CSMD1: variants seen among roughly 807,000 people sequenced by gnomAD.
The protein encoded by CSMD1 is CUB and Sushi multiple domains 1, also known as CUB and sushi domain-containing protein 1.
In CSMD1, 213 loss-of-function variants were observed where a neutral mutation model predicts 417.5. That is an observed-to-expected ratio of 0.51 (90% CI 0.46 to 0.57). The LOEUF (loss-of-function observed/expected upper bound fraction) is 0.57. Among genes scored for constraint, CSMD1 ranks in the 20% least tolerant of loss-of-function variants. CSMD1 has a pLI of 0.00. For synonymous variants in CSMD1, 2,862 were observed against 1,736.8 expected (o/e 1.65, Z -16.11); for missense variants, 6,923 against 4,529.7 (o/e 1.53, Z -15.17).
intron 5 of CSMD1, among the ~76,000 whole-genome samples, chr8:3,930,411 C>G (rs1416006115): frequency 6.6e-6 from 1 of 150,666 alleles, no homozygotes; most frequent in Non-Finnish European, 1.5e-5. Flanking sequence ...TATACTGGTC[C>G]AAGCAAGCAT....
At chr8:4,585,098 GAAA>G (rs148008422) in intron 2 of CSMD1, among the ~76,000 whole-genome samples, 18 of 138,998 alleles carry the variant, frequency 1.3e-4, no homozygotes, top group East Asian at 4.2e-4. Flanking sequence ...CAAAAACTGA[GAAA>G]AAAAAAAAAA....
chr8:4,905,017 G>T (rs768457232), intron 1 of CSMD1, among the ~76,000 whole-genome samples: 8 of 152,188 alleles, frequency 5.3e-5, no homozygotes, highest in Admixed American at 5.2e-4. Context: ...AAGGTAGTGT[G>T]ACAGTAGAAA....
intron 1 of CSMD1, among the ~76,000 whole-genome samples, chr8:4,862,429 G>C (rs1802191766): frequency 6.6e-6 from 1 of 152,110 alleles, no homozygotes; most frequent in Admixed American, 6.5e-5. Flanking sequence ...GATGAACTCT[G>C]TGTTGGGTAG....
At chr8:3,276,400 A>C (rs147694468) in intron 26 of CSMD1, among the ~76,000 whole-genome samples, 17 of 152,290 alleles carry the variant, frequency 1.1e-4, no homozygotes, top group African/African-American at 3.6e-4. Context: ...AGCTGTTCCT[A>C]TTCGTTCATC....
At chr8:3,923,013 G>A (rs1035478660) in intron 5 of CSMD1, among the ~76,000 whole-genome samples, 2 of 152,126 alleles carry the variant, frequency 1.3e-5, no homozygotes, top group South Asian at 2.1e-4. Flanking sequence ...ATTCTTATAT[G>A]TTAGTTATTG....
intron 3 of CSMD1, among the ~76,000 whole-genome samples, chr8:4,119,127 C>T (rs1178390325): frequency 3.3e-5 from 5 of 152,152 alleles, no homozygotes; most frequent in South Asian, 4.2e-4. Context: ...CATTAGGGAA[C>T]GTACCTAATG....
chr8:3,285,297 A>T (rs1803060384), intron 25 of CSMD1, among the ~76,000 whole-genome samples: 1 of 152,198 alleles, frequency 6.6e-6, no homozygotes, highest in Non-Finnish European at 1.5e-5. Flanking sequence ...GTGTATTTTT[A>T]AAATAATCAA....
chr8:4,889,593 A>T (rs1200356700), intron 1 of CSMD1, among the ~76,000 whole-genome samples: 1 of 152,144 alleles, frequency 6.6e-6, no homozygotes. Context: ...TGTCAAAAAA[A>T]TAGAAAAAAA....
At chr8:4,605,253 G>A (rs985664669) in intron 2 of CSMD1, among the ~76,000 whole-genome samples, 4 of 151,944 alleles carry the variant, frequency 2.6e-5, no homozygotes, top group South Asian at 2.1e-4. Flanking sequence ...ACGTTAGACC[G>A]ATGAAGTTTA....
chr8:4,396,546 T>C (rs1002866877), intron 3 of CSMD1, among the ~76,000 whole-genome samples: 12 of 152,048 alleles, frequency 7.9e-5, no homozygotes, highest in Admixed American at 3.3e-4. Flanking sequence ...GTTAAGTTTA[T>C]AGCAGCAAAA....
At chr8:4,964,988 C>T (rs1809765707) in intron 1 of CSMD1, among the ~76,000 whole-genome samples, 1 of 152,126 alleles carries the variant, frequency 6.6e-6, no homozygotes. Context: ...TGCTTTGGGT[C>T]ACTTCTTCAC....
At chr8:3,305,096 G>T (rs1584964032) in intron 25 of CSMD1, among the ~76,000 whole-genome samples, 1 of 151,962 alleles carries the variant, frequency 6.6e-6, no homozygotes, top group Non-Finnish European at 1.5e-5. Context: ...GCTTACTTCA[G>T]CCTTGACCAA....
At chr8:4,409,642 C>CTTTTTTTT (rs61368925) in intron 3 of CSMD1, among the ~76,000 whole-genome samples, 2 of 141,852 alleles carry the variant, frequency 1.4e-5, no homozygotes, top group Non-Finnish European at 1.5e-5. Flanking sequence ...GACTTTTTTT[C>CTTTTTTTT]TTTTTTTTTT....
chr8:4,500,112 G>T (rs1802182015), intron 2 of CSMD1, among the ~76,000 whole-genome samples: 1 of 151,652 alleles, frequency 6.6e-6, no homozygotes, highest in African/African-American at 2.4e-5. Context: ...TAAAGAGGCT[G>T]GGAGAATACA....
At chr8:3,589,417 T>A (rs762696523) in intron 8 of CSMD1, among the ~76,000 whole-genome samples, 1 of 151,968 alleles carries the variant, frequency 6.6e-6, no homozygotes, top group Non-Finnish European at 1.5e-5. Context: ...CACGCGTGTG[T>A]GTACACAATG....
At chr8:4,815,844 G>C (rs949500687) in intron 1 of CSMD1, among the ~76,000 whole-genome samples, 1 of 152,004 alleles carries the variant, frequency 6.6e-6, no homozygotes, top group African/African-American at 2.4e-5. Context: ...CTCCCAAGAA[G>C]GGCTGTGGTT....
At chr8:4,096,407 T>C (rs946939047) in intron 3 of CSMD1, among the ~76,000 whole-genome samples, 4 of 151,906 alleles carry the variant, frequency 2.6e-5, no homozygotes, top group Non-Finnish European at 4.4e-5. Context: ...AATCCAGACA[T>C]AGAGTGAAAA....
intron 1 of CSMD1, among the ~76,000 whole-genome samples, chr8:4,866,303 C>G (rs143141549): frequency 6.6e-6 from 1 of 151,908 alleles, no homozygotes; most frequent in South Asian, 2.1e-4. Flanking sequence ...ATTTTATTAT[C>G]TAGTGATCTA....
chr8:4,805,496 C>T (rs1247535856), intron 1 of CSMD1, among the ~76,000 whole-genome samples: 1 of 152,076 alleles, frequency 6.6e-6, no homozygotes, highest in Non-Finnish European at 1.5e-5. Flanking sequence ...TGAAACGCCA[C>T]CACTCTGCAT....
Sources: allele counts gnomAD v4.1 joint callset (sites outside exome capture counted in the v4.1 genomes callset), GRCh38; gene constraint gnomAD v4.1.1; transcripts MANE v1.5; gene names NCBI Gene and HGNC (gene_info 2026-07-23, HGNC 2026-07-21).